HDAC4: variants seen among roughly 807,000 people sequenced by gnomAD.
HDAC4 encodes the protein histone deacetylase A.
A neutral mutation model predicts 135.1 loss-of-function variants in HDAC4; 16 were observed. The ratio of observed to expected loss-of-function variants is 0.12; its 90% CI spans 0.08 to 0.18. The LOEUF (loss-of-function observed/expected upper bound fraction) is 0.18, where lower values mean the gene tolerates loss of function less well. HDAC4 is among the 10% of genes least tolerant of loss of function. The pLI, the probability that HDAC4 is intolerant of heterozygous loss-of-function variation, is 1.00. For synonymous variants in HDAC4, 685 were observed against 653.4 expected (o/e 1.05, Z -0.74); for missense variants, 1,143 against 1,511.8 (o/e 0.76, Z 4.05).
At chr2:239,170,748 C>A (rs1200697490) in intron 5 of HDAC4, among the ~76,000 whole-genome samples, 1 of 152,164 alleles carries the variant, frequency 6.6e-6, no homozygotes, top group Non-Finnish European at 1.5e-5. Context: ...AACACCAGGG[C>A]CGAGGTCAGA....
At chr2:239,073,647 T>C (rs2034428931) in intron 22 of HDAC4, among the ~76,000 whole-genome samples, 2 of 152,182 alleles carry the variant, frequency 1.3e-5, no homozygotes, top group African/African-American at 4.8e-5. Context: ...GAGTGAGAGG[T>C]TTCTTCTCAC....
chr2:239,082,268 G>A (rs763685108), intron 20 of HDAC4, 47 bp from the exon 21 acceptor site: 1 of 1,613,812 alleles, frequency 6.2e-7, no homozygotes, highest in Non-Finnish European at 8.5e-7. Flanking sequence ...AGGTATTGGA[G>A]GGTGGCCTCC....
At chr2:239,288,142 C>T (rs114883328) in intron 2 of HDAC4, among the ~76,000 whole-genome samples, 3,218 of 151,360 alleles carry the variant, frequency 0.021, 112 homozygotes, top group African/African-American at 0.074. Flanking sequence ...AATCCTGAAG[C>T]GCTAGCAAAG....
At chr2:239,232,109 G>A (rs2047609816) in intron 3 of HDAC4, among the ~76,000 whole-genome samples, 1 of 152,264 alleles carries the variant, frequency 6.6e-6, no homozygotes, top group Non-Finnish European at 1.5e-5. Flanking sequence ...TGCAAGGCCT[G>A]GCTGGAAGCC....
At chr2:239,329,671 A>G (rs971425027) in intron 2 of HDAC4, among the ~76,000 whole-genome samples, 6 of 152,230 alleles carry the variant, frequency 3.9e-5, no homozygotes, top group African/African-American at 1.4e-4. Context: ...CAAAAAGGGC[A>G]TGAGTCTGAC....
intron 18 of HDAC4, among the ~76,000 whole-genome samples, chr2:239,087,896 C>T (rs1014237861): frequency 1.2e-4 from 18 of 152,056 alleles, no homozygotes; most frequent in Non-Finnish European, 7.4e-5. Context: ...TCAGAACTGT[C>T]GGTGAGGCGT....
At chr2:239,129,621 T>C (rs1401127218) in intron 11 of HDAC4, among the ~76,000 whole-genome samples, 2 of 152,198 alleles carry the variant, frequency 1.3e-5, no homozygotes, top group African/African-American at 4.8e-5. Flanking sequence ...GCTCCTGAGC[T>C]GACCCTGGCT....
At chr2:239,254,284 T>C (rs946281511) in intron 2 of HDAC4, among the ~76,000 whole-genome samples, 5 of 152,054 alleles carry the variant, frequency 3.3e-5, no homozygotes, top group Non-Finnish European at 5.9e-5. Flanking sequence ...GAGTTTACCA[T>C]GCAAATTTAA....
At chr2:239,274,495 C>T (rs936946554) in intron 2 of HDAC4, among the ~76,000 whole-genome samples, 8 of 152,314 alleles carry the variant, frequency 5.3e-5, no homozygotes, top group East Asian at 1.9e-4. Context: ...CTCTAAGCCA[C>T]GAGCCACAGC....
chr2:239,245,476 G>A lies in HDAC4; in HGVS notation c.23-8812C>T, dbSNP rs917805919. Among the ~76,000 whole-genome samples the A allele has an allele frequency of 2.0e-5, 3 of 152,178 alleles. No individual in the cohort carries two copies. The highest frequency in any genetic ancestry group is 7.2e-5 in the African/African-American group (3 of 41,424). On this transcript the variant is annotated intron_variant, in intron 2 of 26. Coordinates refer to ENST00000543185, the MANE Select transcript of HDAC4 (RefSeq NM_001378414.1). This position sits in a 1 kb window ranked among gnomAD's most constrained non-coding sequence, Gnocchi z 4.4. Reference sequence around the variant, plus strand: ...ATTAAACATCGTTTGGGTATAAGATGATATGTAGGAATCATGATTCCTTCT... The same window carrying A: ...ATTAAACATCGTTTGGGTATAAGATAATATGTAGGAATCATGATTCCTTCT...
rs770378886 is a variant in HDAC4 at position 239,108,176 on chromosome 2, C to T, written c.1986G>A (p.Val662=). The T allele has an allele frequency of 6.2e-7, 1 of 1,601,558 alleles. No individual in the cohort carries two copies. Among genetic ancestry groups the T allele is most frequent in the East Asian group, 2.3e-5 (1 of 44,276 alleles). The change falls in exon 15 of 27, where the codon GTG becomes GTA. Residue 662 remains valine (V), a synonymous_variant. Coordinates refer to ENST00000543185, the MANE Select transcript of HDAC4 (RefSeq NM_001378414.1). ...GGTGCTTCAGCATCAGCGTGTCATA[C>T]ACGAGGCCTGGGGCGGGGCAGAGGG... ...PTKPRFTTGL[V]YDTLMLKHQC... is the part of the protein sequence containing the mutation.
At chr2:239,144,484 GA>G in intron 8 of HDAC4, 98 bp downstream of exon 8, 1 of 1,476,746 alleles carries the variant, frequency 6.8e-7, no homozygotes, top group Non-Finnish European at 9.5e-7. Context: ...GCGTGAGGCA[GA>G]CACGTGGGTT....
At chr2:239,126,796 C>A in intron 11 of HDAC4, 102 bp from the exon 12 acceptor site, 1 of 1,300,192 alleles carries the variant, frequency 7.7e-7, no homozygotes, top group East Asian at 2.4e-5. Flanking sequence ...GCCCTGTGCC[C>A]GCCAGCCCAG....
intron 17 of HDAC4, among the ~76,000 whole-genome samples, chr2:239,093,243 T>C (rs1398922111): frequency 6.6e-6 from 1 of 152,198 alleles, no homozygotes; most frequent in Non-Finnish European, 1.5e-5. Flanking sequence ...TTTTCCGTGT[T>C]CCAAGCCCCA....
At position 239,262,228 on chromosome 2, in the gene HDAC4, G is replaced by T. The variant is rs2125107696; in HGVS notation, c.23-25564C>A. Among the ~76,000 whole-genome samples, 1 of 152,316 alleles carries T rather than the reference G, an allele frequency of 6.6e-6. No individual in the cohort carries two copies. Among genetic ancestry groups the T allele is most frequent in the Non-Finnish European group, 1.5e-5 (1 of 68,030 alleles). On this transcript the variant is annotated intron_variant, in intron 2 of 26. Transcript: ENST00000543185. This position sits in a 1 kb window ranked among gnomAD's most constrained non-coding sequence, Gnocchi z 4.1. ...ATAAGCTAGTATTTCCTCCTGTGGT[G>T]TCTCCTTGGGGGAATCCTAAATTTC...
intron 1 of HDAC4, among the ~76,000 whole-genome samples, chr2:239,370,711 C>T (rs12476461): frequency 0.5 from 76,597 of 152,134 alleles, 20,675 homozygotes; most frequent in East Asian, 0.83. Flanking sequence ...ACCTGCAGCC[C>T]TGCGGCGCCT....
intron 2 of HDAC4, among the ~76,000 whole-genome samples, chr2:239,282,306 A>G (rs1311021204): frequency 7.1e-6 from 1 of 140,362 alleles, no homozygotes; most frequent in Admixed American, 7.0e-5. Flanking sequence ...CACTCTACAC[A>G]CAATGTACAC....
At chr2:239,366,193 C>A (rs985184767) in intron 1 of HDAC4, among the ~76,000 whole-genome samples, 1 of 150,908 alleles carries the variant, frequency 6.6e-6, no homozygotes, top group African/African-American at 2.4e-5. Context: ...GTGACACATA[C>A]AGACATGCAT....
chr2:239,184,458 AG>A (rs1303144988), intron 4 of HDAC4, among the ~76,000 whole-genome samples: 4 of 32,298 alleles, frequency 1.2e-4, no homozygotes, highest in East Asian at 1.0e-3. Flanking sequence ...GTGCCCTATG[AG>A]GGGGGGTCCC....
Sources: allele counts gnomAD v4.1 joint callset (sites outside exome capture counted in the v4.1 genomes callset), GRCh38; gene constraint gnomAD v4.1.1; non-coding constraint Gnocchi (gnomAD v3.1); transcripts MANE v1.5; gene names NCBI Gene and HGNC (gene_info 2026-07-23, HGNC 2026-07-21).